TBCEL: variants seen among roughly 807,000 people sequenced by gnomAD.
TBCEL encodes tubulin folding cofactor E like, also known as tubulin-specific chaperone cofactor E-like protein.
TBCEL carries 15 observed loss-of-function variants against 44.2 expected under a neutral mutation model. The observed-to-expected ratio is 0.34, with a 90% CI of 0.23 to 0.52. The LOEUF is 0.52. Among genes scored for constraint, TBCEL ranks in the 20% least tolerant of loss-of-function variants. The pLI, the probability that TBCEL is intolerant of heterozygous loss-of-function variation, is 0.95. For synonymous variants in TBCEL, 171 were observed against 185.4 expected (o/e 0.92, Z 0.63); for missense variants, 319 against 506.3 (o/e 0.63, Z 3.55).
chr11:121,045,469 C>T (rs754208693), intron 2 of TBCEL, among the ~76,000 whole-genome samples: 3 of 152,060 alleles, frequency 2.0e-5, no homozygotes, highest in Non-Finnish European at 4.4e-5. Context: ...GATATATGCT[C>T]AACTGTTATT....
At chr11:121,077,964 A>G (rs1488210257) in intron 8 of TBCEL, among the ~76,000 whole-genome samples, 1 of 151,952 alleles carries the variant, frequency 6.6e-6, no homozygotes, top group African/African-American at 2.4e-5. Context: ...TAATTTCATT[A>G]TAGTTAGAGA....
At chr11:121,082,510 A>G (rs1946144144) in intron 8 of TBCEL, among the ~76,000 whole-genome samples, 1 of 152,220 alleles carries the variant, frequency 6.6e-6, no homozygotes, top group African/African-American at 2.4e-5. Flanking sequence ...AATTCTGCTT[A>G]CCACAATCAT....
chr11:121,084,749 TG>T (rs1419703308), intron 8 of TBCEL, among the ~76,000 whole-genome samples: 1 of 152,130 alleles, frequency 6.6e-6, no homozygotes, highest in Non-Finnish European at 1.5e-5. Context: ...ATTTGACCAC[TG>T]GGTTCTGCTG....
intron 8 of TBCEL, among the ~76,000 whole-genome samples, chr11:121,081,079 T>C (rs943172942): frequency 6.6e-6 from 1 of 152,184 alleles, no homozygotes. Flanking sequence ...ACCCCTAAGG[T>C]TGAAAGAAGC....
At chr11:121,079,580 A>G (rs1184266333) in intron 8 of TBCEL, among the ~76,000 whole-genome samples, 1 of 152,152 alleles carries the variant, frequency 6.6e-6, no homozygotes, top group East Asian at 1.9e-4. Flanking sequence ...GATTCCTCCT[A>G]CCTATAAAAT....
In TBCEL at chr11:121,025,066, A is replaced by T. The variant is rs1354487215; in HGVS notation, c.-126+775A>T. Among the ~76,000 whole-genome samples the T allele has an allele frequency of 2.4e-4, 37 of 152,186 alleles. 1 individual carries two copies. The highest frequency in any genetic ancestry group is 2.4e-3 in the Admixed American group (37 of 15,280). On this transcript the variant is annotated intron_variant, in intron 1 of 8. Transcript: ENST00000683345. ...AATAGTCTTTTCTTGGGACACAGTG[A>T]TTCCAGAAGTTGTAGTTGAGGAAAG...
At chr11:121,057,003 C>T (rs1945634013) in intron 6 of TBCEL, among the ~76,000 whole-genome samples, 2 of 151,790 alleles carry the variant, frequency 1.3e-5, no homozygotes, top group Admixed American at 1.3e-4. Flanking sequence ...ATAACTCTAA[C>T]CTACAACTGA....
At chr11:121,062,454 C>T (rs1050884929) in intron 8 of TBCEL, among the ~76,000 whole-genome samples, 1 of 151,910 alleles carries the variant, frequency 6.6e-6, no homozygotes, top group Non-Finnish European at 1.5e-5. Flanking sequence ...TTGTTTATAC[C>T]AGCGTCACTC....
At chr11:121,027,161 T>C (rs1333571935) in intron 1 of TBCEL, among the ~76,000 whole-genome samples, 4 of 152,224 alleles carry the variant, frequency 2.6e-5, no homozygotes, top group Non-Finnish European at 5.9e-5. Flanking sequence ...TTATATATTT[T>C]GGGCCTGGTT....
At chr11:121,039,024 A>T (rs1294894278) in intron 2 of TBCEL, among the ~76,000 whole-genome samples, 1 of 152,094 alleles carries the variant, frequency 6.6e-6, no homozygotes, top group East Asian at 1.9e-4. Flanking sequence ...AATAACCCTC[A>T]TCCTTGCACT....
intron 1 of TBCEL, among the ~76,000 whole-genome samples, chr11:121,027,695 C>T (rs896589976): frequency 6.6e-6 from 1 of 152,236 alleles, no homozygotes; most frequent in South Asian, 2.1e-4. Context: ...TTCAGATGAC[C>T]CCTCTTCTTT....
chr11:121,060,466 G>A (rs1165312587), intron 8 of TBCEL, among the ~76,000 whole-genome samples: 4 of 151,744 alleles, frequency 2.6e-5, no homozygotes, highest in South Asian at 2.1e-4. Flanking sequence ...TAAGTTCTCC[G>A]GTTAGGAAGA....
At chr11:121,032,618 C>T (rs913111500) in intron 1 of TBCEL, among the ~76,000 whole-genome samples, 6 of 152,154 alleles carry the variant, frequency 3.9e-5, no homozygotes, top group African/African-American at 7.2e-5. Flanking sequence ...GCAGCTTCCT[C>T]GTGCTTCATG....
intron 3 of TBCEL, among the ~76,000 whole-genome samples, chr11:121,046,227 G>A (rs564509889): frequency 6.6e-6 from 1 of 152,090 alleles, no homozygotes; most frequent in South Asian, 2.1e-4. Flanking sequence ...ATAGTGATTT[G>A]GAAAGAAATT....
chr11:121,050,228 A>T (rs1457154236), intron 4 of TBCEL, among the ~76,000 whole-genome samples: 1 of 151,684 alleles, frequency 6.6e-6, no homozygotes, highest in Non-Finnish European at 1.5e-5. Flanking sequence ...AGGACATTAC[A>T]TTTCAACCCC....
intron 8 of TBCEL, among the ~76,000 whole-genome samples, chr11:121,070,226 G>A (rs1011327010): frequency 3.9e-5 from 6 of 152,228 alleles, no homozygotes; most frequent in Non-Finnish European, 7.3e-5. Context: ...AGGATGTGGA[G>A]AAATAGGAAC....
intron 8 of TBCEL, among the ~76,000 whole-genome samples, chr11:121,075,325 A>G (rs1946013656): frequency 6.6e-6 from 1 of 152,006 alleles, no homozygotes; most frequent in South Asian, 2.1e-4. Flanking sequence ...ACAGTGCTGA[A>G]GCAACTGGAT....
At chr11:121,027,067 G>A (rs12797625) in intron 1 of TBCEL, among the ~76,000 whole-genome samples, 1,725 of 151,960 alleles carry the variant, frequency 0.011, 13 homozygotes, top group Middle Eastern at 0.031. Flanking sequence ...CCTTTTCTTA[G>A]TGTGTGAACT....
chr11:121,085,668 C>CT lies in TBCEL; in HGVS notation c.957-1101dup, dbSNP rs897067138. 2.0e-5 allele frequency among the ~76,000 whole-genome samples: 3 copies of CT among 151,672 alleles called. No individual in the cohort carries two copies. In the South Asian group the frequency reaches 6.3e-4, roughly 32 times the overall value. ...TACTTCCATCTCTAAGCACAGCAAT[C>CT]TTTTTTTTTCTTTTTTCTTTTAAGA... is the stretch of plus-strand genomic sequence containing the variant. On this transcript the variant is annotated intron_variant, in intron 8 of 8. Transcript: ENST00000683345.
Sources: allele counts gnomAD v4.1 joint callset (sites outside exome capture counted in the v4.1 genomes callset), GRCh38; gene constraint gnomAD v4.1.1; transcripts MANE v1.5; gene names NCBI Gene and HGNC (gene_info 2026-07-23, HGNC 2026-07-21).